The following SPRY4 variants were observed in gnomAD, a reference collection of about 807,000 sequenced individuals.
SPRY4 encodes sprouty RTK signaling antagonist 4.
SPRY4 carries 7 observed loss-of-function variants against 17.0 expected under a neutral mutation model. The observed-to-expected ratio is 0.41, with a 90% CI of 0.23 to 0.77. The LOEUF (loss-of-function observed/expected upper bound fraction) is 0.77, where lower values mean the gene tolerates loss of function less well. SPRY4 is among the 30% of genes least tolerant of loss of function. The pLI is 0.32. For missense variants in SPRY4, 435 were observed against 419.9 expected (o/e 1.04, Z -0.31); for synonymous variants, 183 against 174.1 (o/e 1.05, Z -0.40).
Position 142,314,547 on chromosome 5 carries a change from A to G in SPRY4, c.562T>C (p.Cys188Arg), listed in dbSNP as rs1257990001. Residue 188 changes from cysteine to arginine, a missense_variant, in exon 2 of 2, where the codon TGC becomes CGC. Physicochemically the swap from Cys to Arg is radical, Grantham distance 180. Coordinates refer to ENST00000434127, the MANE Select transcript of SPRY4 (RefSeq NM_001127496.3). This position sits in a 1 kb window ranked among gnomAD's most constrained non-coding sequence, Gnocchi z 4.8. ...TAGTTGACCAGAGTCTGGGCTGAGC[A>G]CAGGCACTCCTGGTTGCAGACCCAG... ...SCWVCNQECL[C>R]SAQTLVNYGT... is the part of the protein sequence containing the mutation. 6.2e-7 allele frequency: 1 copy of G among 1,614,246 alleles called. No individual in the cohort carries two copies. Among genetic ancestry groups the G allele is most frequent in the Admixed American group, 1.7e-5 (1 of 60,030 alleles).
At chr5:142,322,488 A>T (rs1466927563) in intron 1 of SPRY4, among the ~76,000 whole-genome samples, 2 of 112,726 alleles carry the variant, frequency 1.8e-5, no homozygotes, top group African/African-American at 2.9e-5. Flanking sequence ...AAAAAAATAT[A>T]TATATATATA....
Position 142,314,562 on chromosome 5 carries a change from T to G in SPRY4, c.547A>C (p.Asn183His). Residue 183 changes from asparagine (N) to histidine (H), a missense_variant, in exon 2 of 2, where the codon AAC becomes CAC. Asn to His is a moderately conservative substitution (Grantham distance 68, BLOSUM62 1). Coordinates refer to ENST00000434127, the MANE Select transcript of SPRY4 (RefSeq NM_001127496.3). The surrounding 1 kb of genome is among the most constrained non-coding windows in gnomAD (Gnocchi z 4.8). ...PRTLPSCWVC[N>H]QECLCSAQTL... is the part of the protein sequence containing the mutation. ...TGGGCTGAGCACAGGCACTCCTGGT[T>G]GCAGACCCAGCAGGAAGGCAACGTC... is the stretch of plus-strand genomic sequence containing the variant. The G allele has an allele frequency of 1.9e-6, 3 of 1,614,220 alleles. No homozygotes were observed. Among genetic ancestry groups the G allele is most frequent in the Non-Finnish European group, 2.5e-6 (3 of 1,180,028 alleles).
chr5:142,314,151 T>C lies in SPRY4; in HGVS notation c.*58A>G, dbSNP rs1759035785. 2 of 1,522,068 alleles carry C rather than the reference T, an allele frequency of 1.3e-6. No homozygotes were observed. The highest frequency in any genetic ancestry group is 1.8e-6 in the Non-Finnish European group (2 of 1,130,536). 94.3% of individuals were successfully genotyped at this position (1,522,068 alleles called of 1,614,324 possible). ...ACCTCTGACCTTGCTGCAGTCTTCTTAGATGTCAGAAGAGAACCAGGTTTC... is the reference window on the plus strand; with the variant it reads ...ACCTCTGACCTTGCTGCAGTCTTCTCAGATGTCAGAAGAGAACCAGGTTTC... On this transcript the variant is annotated 3_prime_UTR_variant, in exon 2 of 2. Transcript: ENST00000434127. The surrounding 1 kb of genome is among the most constrained non-coding windows in gnomAD (Gnocchi z 4.8).
Position 142,310,816 on chromosome 5 carries a change from G to C in SPRY4, c.*3393C>G, listed in dbSNP as rs1274426862. 1 of 152,302 alleles carries C rather than the reference G, an allele frequency of 6.6e-6. No homozygotes were observed. Among genetic ancestry groups the C allele is most frequent in the Non-Finnish European group, 1.5e-5 (1 of 68,102 alleles). 9.4% of individuals were successfully genotyped at this position (152,302 alleles called of 1,614,324 possible). ...TCATCATCGACTGTCACAGTAAGCA[G>C]AGGGGGCACAAAAATGCTTGTCAAA... On this transcript the variant is annotated 3_prime_UTR_variant, in exon 2 of 2. Coordinates refer to ENST00000434127, the MANE Select transcript of SPRY4 (RefSeq NM_001127496.3).
At chr5:142,315,218 A>G in intron 1 of SPRY4, 63 bp from the exon 2 acceptor site, 1 of 1,085,008 alleles carries the variant, frequency 9.2e-7, no homozygotes. Flanking sequence ...GTGGCCTGCC[A>G]ATACCTCACC....
chr5:142,322,651 G>C (rs1759385457), intron 1 of SPRY4, among the ~76,000 whole-genome samples: 1 of 152,078 alleles, frequency 6.6e-6, no homozygotes, highest in South Asian at 2.1e-4. Context: ...TCATGGAGCT[G>C]GGCAGGAGGG....
rs148100722 is a variant in SPRY4 at position 142,317,741 on chromosome 5, C to CCA, written c.-47-2588_-47-2587dup. On this transcript the variant is annotated intron_variant, in intron 1 of 1. Transcript: ENST00000434127. Reference sequence around the variant, plus strand: ...GCCTTGGAATCAGAAAGCAGATTCCCCAATTCATGGAAAAGTCCCACCAGG... The same window carrying CCA: ...GCCTTGGAATCAGAAAGCAGATTCCCCACAATTCATGGAAAAGTCCCACCAGG... 2,488 of 985,138 alleles carry CCA rather than the reference C, an allele frequency of 2.5e-3. 58 individuals carry two copies. In the African/African-American group the frequency reaches 0.04, roughly 16 times the overall value. 61.0% of individuals were successfully genotyped at this position (985,138 alleles called of 1,614,324 possible).
At chr5:142,319,049 GC>G (rs1759256283) in intron 1 of SPRY4, among the ~76,000 whole-genome samples, 1 of 152,174 alleles carries the variant, frequency 6.6e-6, no homozygotes, top group African/African-American at 2.4e-5. Flanking sequence ...AGTGACCAGA[GC>G]AGGATTTGAA....
chr5:142,322,194 T>C (rs1331036225), intron 1 of SPRY4, among the ~76,000 whole-genome samples: 1 of 152,084 alleles, frequency 6.6e-6, no homozygotes, highest in East Asian at 1.9e-4. Context: ...AAATGACATA[T>C]GAGGCCGGGC....
intron 1 of SPRY4, 71 bp downstream of exon 1, chr5:142,324,773 G>A (rs1759475594): frequency 6.5e-6 from 1 of 152,806 alleles, no homozygotes; most frequent in Non-Finnish European, 1.5e-5. Flanking sequence ...ATTTGCCCCA[G>A]CCCAAGGGGG....
In SPRY4 at chr5:142,311,218, CTTTGCTACCCAAG is replaced by C. The variant is rs1758895556; in HGVS notation, c.*2978_*2990del. 1 of 152,090 alleles carries C rather than the reference CTTTGCTACCCAAG, an allele frequency of 6.6e-6. No individual in the cohort carries two copies. The highest frequency in any genetic ancestry group is 6.5e-5 in the Admixed American group (1 of 15,278). 9.4% of individuals were successfully genotyped at this position (152,090 alleles called of 1,614,324 possible). A position where few individuals can be genotyped will look rare whatever the true frequency, so the allele number is the denominator to read the frequency against. On this transcript the variant is annotated 3_prime_UTR_variant, in exon 2 of 2. Transcript: ENST00000434127. ...GTGCCCAATCTTTTCTCTGGGAGGG[CTTTGCTACCCAAG>C]ACCCAGTTCCCAGGGTGCTCGCGGA... is the stretch of plus-strand genomic sequence containing the variant.
intron 1 of SPRY4, among the ~76,000 whole-genome samples, chr5:142,320,737 G>A (rs1759318656): frequency 6.6e-6 from 1 of 152,012 alleles, no homozygotes; most frequent in South Asian, 2.1e-4. Context: ...AGACTCCTAG[G>A]GCAGGGCTTC....
chr5:142,322,483 A>AAAAAATAT (rs79291595), intron 1 of SPRY4, among the ~76,000 whole-genome samples: 15 of 117,546 alleles, frequency 1.3e-4, no homozygotes, highest in African/African-American at 4.1e-4. Context: ...AAAAAAAAAA[A>AAAAAATAT]ATATATATAT....
intron 1 of SPRY4, among the ~76,000 whole-genome samples, chr5:142,320,991 C>T (rs1273053590): frequency 6.6e-6 from 1 of 152,222 alleles, no homozygotes; most frequent in Non-Finnish European, 1.5e-5. Context: ...GCCCTTGCTT[C>T]CTTCACTGAC....
intron 1 of SPRY4, among the ~76,000 whole-genome samples, chr5:142,320,926 G>C (rs1425074355): frequency 6.6e-6 from 1 of 152,154 alleles, no homozygotes; most frequent in Non-Finnish European, 1.5e-5. Flanking sequence ...CACCTGCCCC[G>C]AAGGGCCCCT....
intron 1 of SPRY4, chr5:142,319,793 G>A (rs776511089): frequency 1.9e-6 from 3 of 1,609,128 alleles, no homozygotes; most frequent in African/African-American, 2.7e-5. Flanking sequence ...AATACAGGCT[G>A]GCTGAAAAGA....
intron 1 of SPRY4, chr5:142,317,660 GCCCATGTC>G (rs995463190): frequency 6.1e-6 from 6 of 981,608 alleles, no homozygotes; most frequent in Non-Finnish European, 6.0e-6. Flanking sequence ...TTTAAAAACA[GCCCATGTC>G]CTACAGATAA....
intron 1 of SPRY4, among the ~76,000 whole-genome samples, chr5:142,322,077 C>G (rs1759359829): frequency 6.6e-6 from 1 of 152,220 alleles, no homozygotes; most frequent in Non-Finnish European, 1.5e-5. Context: ...TCAGCCAAAC[C>G]TCTGGTTTAC....
At chr5:142,317,981 C>T (rs1177903446) in intron 1 of SPRY4, 2 of 985,254 alleles carry the variant, frequency 2.0e-6, no homozygotes, top group Non-Finnish European at 2.4e-6. Flanking sequence ...CTATTATAAC[C>T]CCGATGTAGT....
Sources: allele counts gnomAD v4.1 joint callset (sites outside exome capture counted in the v4.1 genomes callset), GRCh38; gene constraint gnomAD v4.1.1; non-coding constraint Gnocchi (gnomAD v3.1); transcripts MANE v1.5; gene names NCBI Gene and HGNC (gene_info 2026-07-23, HGNC 2026-07-21).